ACP7: variants seen among roughly 807,000 people sequenced by gnomAD.
The protein encoded by ACP7 is acid phosphatase 7, tartrate resistant (putative).
ACP7 carries 58 observed loss-of-function variants against 60.6 expected under a neutral mutation model. That is an observed-to-expected ratio of 0.96 (90% CI 0.77 to 1.19). The LOEUF is 1.19. Ranked by LOEUF, ACP7 falls within the 50% of genes most tolerant of loss-of-function variation. The pLI, the probability that ACP7 is intolerant of heterozygous loss-of-function variation, is 0.00. For synonymous variants in ACP7, 237 were observed against 232.6 expected, an observed-to-expected ratio of 1.02 and a Z score of -0.17; for missense variants, 574 against 596.2, an observed-to-expected ratio of 0.96 and a Z score of 0.39.
chr19:39,089,933 A>T (rs372791468), intron 2 of ACP7, among the ~76,000 whole-genome samples: 115 of 152,332 alleles, frequency 7.5e-4, no homozygotes, highest in African/African-American at 2.5e-3. Flanking sequence ...GGGTTTCTCC[A>T]CTATAAAGTA....
chr19:39,085,180 A>G lies in ACP7; in HGVS notation c.-90A>G. ...ACTGCCTGATCATCCTCTGTTCCCC[A>G]TCCTCCCAGCCCTTCCTGCTGTACC... On this transcript the variant is annotated 5_prime_UTR_variant, in exon 2 of 13. Transcript: ENST00000331256. 1.4e-6 allele frequency: 2 copies of G among 1,474,950 alleles called. No homozygotes were observed. The highest frequency in any genetic ancestry group is 1.8e-6 in the Non-Finnish European group (2 of 1,099,482). The allele number at this position is 1,474,950 out of a possible 1,614,324, so 91.4% of individuals were successfully genotyped here. A position where few individuals can be genotyped will look rare whatever the true frequency, so the allele number is the denominator to read the frequency against.
chr19:39,100,871 C>T lies in ACP7; in HGVS notation c.807+18C>T. 10 of 1,611,694 alleles carry T rather than the reference C, an allele frequency of 6.2e-6. No homozygotes were observed. The highest frequency in any genetic ancestry group is 8.5e-6 in the Non-Finnish European group (10 of 1,179,150). On this transcript the variant is annotated intron_variant, in intron 7 of 12. Coordinates refer to ENST00000331256, the MANE Select transcript of ACP7 (RefSeq NM_001004318.3). Reference sequence around the variant, plus strand: ...ACCTCCAGGTAACCTGGGTGGAGGCCCCTATAGTCCCCTGGCCAGCCCCAC... The same window carrying T: ...ACCTCCAGGTAACCTGGGTGGAGGCTCCTATAGTCCCCTGGCCAGCCCCAC...
intron 5 of ACP7, 53 bp downstream of exon 5, chr19:39,100,403 C>T: frequency 6.2e-7 from 1 of 1,607,844 alleles, no homozygotes; most frequent in Non-Finnish European, 8.5e-7. Context: ...TGGAAATGGT[C>T]TCGTTCTTCT....
intron 12 of ACP7, 114 bp from the exon 13 acceptor site, chr19:39,109,939 G>C: frequency 3.9e-6 from 4 of 1,034,134 alleles, no homozygotes; most frequent in Non-Finnish European, 5.8e-6. Flanking sequence ...CTAGCCACTT[G>C]CTCAGGGTTG....
intron 2 of ACP7, 90 bp downstream of exon 2, chr19:39,085,480 C>T: frequency 6.8e-7 from 1 of 1,471,734 alleles, no homozygotes; most frequent in East Asian, 2.4e-5. Context: ...ACACTGTGAG[C>T]CCCTAGGCGG....
intron 2 of ACP7, among the ~76,000 whole-genome samples, chr19:39,090,477 T>G (rs1405860316): frequency 6.6e-6 from 1 of 150,860 alleles, no homozygotes; most frequent in Non-Finnish European, 1.5e-5. Flanking sequence ...CCAATAACTT[T>G]TAATTAATTA....
chr19:39,092,771 C>CTTTTTTTTTTTTTTTT (rs67888880), intron 2 of ACP7, among the ~76,000 whole-genome samples: 1 of 114,650 alleles, frequency 8.7e-6, no homozygotes. Context: ...TCCCATTCCT[C>CTTTTTTTTTTTTTTTT]TTTTTTTTTT....
chr19:39,102,607 G>T (rs1216465787), intron 11 of ACP7, among the ~76,000 whole-genome samples: 2 of 151,930 alleles, frequency 1.3e-5, no homozygotes, highest in East Asian at 3.9e-4. Flanking sequence ...TTACAGGTTT[G>T]CCTGGCCCAA....
Position 39,100,859 on chromosome 19 carries a change from C to T in ACP7, c.807+6C>T. 2 of 1,613,098 alleles carry T rather than the reference C, an allele frequency of 1.2e-6. No homozygotes were observed. The highest frequency in any genetic ancestry group is 1.7e-6 in the Non-Finnish European group (2 of 1,179,752). On this transcript the variant is annotated splice_donor_region_variant and intron_variant, in intron 7 of 12. Transcript: ENST00000331256. ...GGCTGGAGAGCGACCTCCAGGTAAC[C>T]TGGGTGGAGGCCCCTATAGTCCCCT... is the stretch of plus-strand genomic sequence containing the variant.
chr19:39,085,444 T>A, intron 2 of ACP7, 54 bp downstream of exon 2: 2 of 1,539,094 alleles, frequency 1.3e-6, no homozygotes, highest in East Asian at 4.7e-5. Flanking sequence ...CAGCGGTGCT[T>A]CGTTGTTTGA....
chr19:39,100,333 G>C lies in ACP7; in HGVS notation c.612G>C (p.Gly204=). 1 of 1,614,170 alleles carries C rather than the reference G, an allele frequency of 6.2e-7. No homozygotes were observed. The highest frequency in any genetic ancestry group is 8.5e-7 in the Non-Finnish European group (1 of 1,180,034). The change falls in exon 5 of 13, where the codon GGG becomes GGC. Residue 204 remains glycine (G), a synonymous_variant. Transcript: ENST00000331256. ...AASLPYMTCP[G]NHEERYNFSN... ...GCCTGCCGTACATGACATGCCCTGG[G>C]AATCATGAAGAACGCTAGTGAGGAC...
At position 39,088,398 on chromosome 19, in the gene ACP7, G is replaced by A. The variant is rs191722037; in HGVS notation, c.121+3008G>A. Among the ~76,000 whole-genome samples the A allele has an allele frequency of 4.7e-4, 71 of 152,316 alleles. 1 individual carries two copies. The highest frequency in any genetic ancestry group is 3.9e-3 in the Admixed American group (60 of 15,288). ...GAATGAACTGGCTTGGCATTTGCCA[G>A]CCTAGTGACCTTGGACAAAGCGCTT... On this transcript the variant is annotated intron_variant, in intron 2 of 12. Coordinates refer to ENST00000331256, the MANE Select transcript of ACP7 (RefSeq NM_001004318.3).
In ACP7 at chr19:39,100,262, C is replaced by T. The variant is rs753445095; in HGVS notation, c.541C>T (p.Arg181Cys). ...FAYNLDQDNA[R>C]VGDRFMRLIE... is the part of the protein sequence containing the mutation. ...CTACAACCTGGATCAGGACAACGCCCGTGTTGGGGATAGGTTCATGCGGCT... is the reference window on the plus strand; with the variant it reads ...CTACAACCTGGATCAGGACAACGCCTGTGTTGGGGATAGGTTCATGCGGCT... The change falls in exon 5 of 13, where the codon CGT becomes TGT. Residue 181 changes from arginine to cysteine, a missense_variant. Physicochemically the swap from Arg to Cys is radical, Grantham distance 180 (BLOSUM62 -3). Transcript: ENST00000331256. 2.0e-5 allele frequency: 32 copies of T among 1,613,956 alleles called. No homozygotes were observed. Among genetic ancestry groups the T allele is most frequent in the Admixed American group, 1.3e-4 (8 of 59,984 alleles).
chr19:39,107,613 C>A (rs1358938486), intron 12 of ACP7, among the ~76,000 whole-genome samples: 2 of 147,004 alleles, frequency 1.4e-5, no homozygotes, highest in East Asian at 2.0e-4. Flanking sequence ...AGGCCAGGTG[C>A]GGTGGTTCAT....
chr19:39,083,996 G>A (rs1444087726), upstream of ACP7: 1 of 152,310 alleles, frequency 6.6e-6, no homozygotes, highest in Non-Finnish European at 1.5e-5. Context: ...GGGTACCTGG[G>A]GATCGGGCAG....
chr19:39,093,174 C>CTTTCTTTCTTTT, intron 2 of ACP7, among the ~76,000 whole-genome samples: 1 of 47,804 alleles, frequency 2.1e-5, no homozygotes. Flanking sequence ...TTCTTTCTCT[C>CTTTCTTTCTTTT]CTTCCTTCCT....
At chr19:39,109,881 A>G (rs2073451290) in intron 12 of ACP7, among the ~76,000 whole-genome samples, 172 bp from the exon 13 acceptor site, 1 of 151,954 alleles carries the variant, frequency 6.6e-6, no homozygotes, top group Non-Finnish European at 1.5e-5. Flanking sequence ...GGGTACTGTT[A>G]CTCTTCCTAT....
At chr19:39,086,187 G>C (rs2073139241) in intron 2 of ACP7, among the ~76,000 whole-genome samples, 1 of 152,140 alleles carries the variant, frequency 6.6e-6, no homozygotes, top group African/African-American at 2.4e-5. Flanking sequence ...TCTTAGACAG[G>C]TGTGGTGGCA....
At chr19:39,097,399 C>CAAA (rs527462300) in intron 2 of ACP7, among the ~76,000 whole-genome samples, 1 of 125,672 alleles carries the variant, frequency 8.0e-6, no homozygotes. Context: ...CAAGACTCCT[C>CAAA]AAAAAAAAAA....
Sources: gnomAD v4.1 joint callset for allele counts (sites outside exome capture counted in the v4.1 genomes callset) on GRCh38, gnomAD v4.1.1 for gene constraint, MANE v1.5 for transcripts, NCBI Gene and HGNC (gene_info 2026-07-23, HGNC 2026-07-21) for gene names.